Variants in LHFPL6 observed in about 807,000 individuals in gnomAD.
LHFPL6 encodes the protein LHFPL tetraspan subfamily member 6 protein.
LHFPL6 carries 9 observed loss-of-function variants against 20.6 expected under a neutral mutation model. The observed-to-expected ratio is 0.44, with a 90% CI of 0.26 to 0.76. The LOEUF (loss-of-function observed/expected upper bound fraction) is 0.76, where lower values mean the gene tolerates loss of function less well. Ranked by LOEUF, LHFPL6 falls within the 30% of genes least tolerant of loss-of-function variation. The probability of loss-of-function intolerance (pLI) is 0.20; values close to 1 mark genes in which losing one functional copy is unlikely to be tolerated. For missense variants in LHFPL6, 218 were observed against 253.5 expected, an observed-to-expected ratio of 0.86 and a Z score of 0.95; for synonymous variants, 105 against 98.7, an observed-to-expected ratio of 1.06 and a Z score of -0.38.
At chr13:39,403,107 A>C (rs1871033112) in intron 2 of LHFPL6, among the ~76,000 whole-genome samples, 1 of 152,244 alleles carries the variant, frequency 6.6e-6, no homozygotes, top group African/African-American at 2.4e-5. Flanking sequence ...TTTTCTGATT[A>C]ATATTTAGAC....
chr13:39,529,554 A>C (rs1037929554), intron 2 of LHFPL6, among the ~76,000 whole-genome samples: 2 of 152,254 alleles, frequency 1.3e-5, no homozygotes, highest in African/African-American at 4.8e-5. Context: ...TTAGTGTGTA[A>C]GACACTGTAC....
intron 2 of LHFPL6, among the ~76,000 whole-genome samples, chr13:39,536,684 T>A (rs1870629524): frequency 5.3e-5 from 8 of 152,188 alleles, no homozygotes; most frequent in Admixed American, 5.2e-4. Flanking sequence ...TCCCCCTTTA[T>A]CTTTCATCAG....
At chr13:39,583,711 T>C (rs1262701299) in intron 2 of LHFPL6, among the ~76,000 whole-genome samples, 2 of 152,196 alleles carry the variant, frequency 1.3e-5, no homozygotes, top group African/African-American at 4.8e-5. Context: ...AAATTTCTCA[T>C]GCAAGCAAGT....
At position 39,569,148 on chromosome 13, in the gene LHFPL6, T is replaced by C. The variant is rs59939152; in HGVS notation, c.385+31684A>G. ...AAACACGGATGGATGGATGGATGGA[T>C]GGACGGACGGATGGATGGATGGATG... On this transcript the variant is annotated intron_variant, in intron 2 of 3. Transcript: ENST00000379589. Among the ~76,000 whole-genome samples the C allele has an allele frequency of 6.2e-5, 9 of 144,392 alleles. No homozygotes were observed. In the East Asian group the frequency reaches 6.6e-4, roughly 11 times the overall value. The allele number at this position is 144,392 out of a possible 152,430, so 94.7% of individuals were successfully genotyped here.
Position 39,343,603 on chromosome 13 carries a change from T to TTGTGTGTGTGTGTGTGTGTGTG in LHFPL6, c.*311_*332dup, listed in dbSNP as rs67172252. 3 of 195,112 alleles carry TTGTGTGTGTGTGTGTGTGTGTG rather than the reference T, an allele frequency of 1.5e-5. No individual in the cohort carries two copies. Among genetic ancestry groups the TTGTGTGTGTGTGTGTGTGTGTG allele is most frequent in the East Asian group, 1.5e-4 (2 of 13,262 alleles). 12.1% of individuals were successfully genotyped at this position (195,112 alleles called of 1,614,324 possible). On this transcript the variant is annotated 3_prime_UTR_variant, in exon 4 of 4. Coordinates refer to ENST00000379589, the MANE Select transcript of LHFPL6 (RefSeq NM_005780.3). ...ACCCTTGTTTGTATATGTAGATTTG[T>TTGTGTGTGTGTGTGTGTGTGTG]TGTGTGTGTGTGTGTGTGTGTGTGT...
chr13:39,510,903 G>A (rs1157770070), intron 2 of LHFPL6, among the ~76,000 whole-genome samples: 1 of 149,096 alleles, frequency 6.7e-6, no homozygotes, highest in East Asian at 2.0e-4. Flanking sequence ...AGGGAGTTTC[G>A]CTCTTATTGC....
rs1872925172 is a variant in LHFPL6 at position 39,601,007 on chromosome 13, G to A, written c.210C>T (p.Arg70=). The A allele has an allele frequency of 1.9e-6, 3 of 1,614,116 alleles. No individual in the cohort carries two copies. Among genetic ancestry groups the A allele is most frequent in the East Asian group, 2.2e-5 (1 of 44,872 alleles). Reference sequence around the variant, plus strand: ...TGGGGATGCCCTGGAAGGAGGCATAGCGCCCACATTCCTCCACCATCACCA... The same window carrying A: ...TGGGGATGCCCTGGAAGGAGGCATAACGCCCACATTCCTCCACCATCACCA... ...QMMVMVEECG[R]YASFQGIPSA... Residue 70 remains arginine, a synonymous_variant, in exon 2 of 4, where the codon CGC becomes CGT. Transcript: ENST00000379589.
At chr13:39,362,198 G>T (rs1487630824) in intron 3 of LHFPL6, among the ~76,000 whole-genome samples, 1 of 152,216 alleles carries the variant, frequency 6.6e-6, no homozygotes, top group Non-Finnish European at 1.5e-5. Context: ...TCATGGGGGT[G>T]GGCTTCGCCC....
chr13:39,356,235 A>AT (rs1480385930), intron 3 of LHFPL6, among the ~76,000 whole-genome samples: 4 of 152,240 alleles, frequency 2.6e-5, no homozygotes, highest in African/African-American at 9.6e-5. Flanking sequence ...TCAAAACCAC[A>AT]TAATTACATG....
intron 2 of LHFPL6, among the ~76,000 whole-genome samples, chr13:39,465,982 T>C (rs546647616): frequency 1.0e-3 from 154 of 152,104 alleles, no homozygotes; most frequent in Middle Eastern, 3.4e-3. Flanking sequence ...GGATCCTAAG[T>C]GTGGCACTAC....
chr13:39,569,165 GGATGGATGGATGGATGGATGGATGGATT>G lies in LHFPL6; in HGVS notation c.385+31639_385+31666del, dbSNP rs1871829974. Reference sequence around the variant, plus strand: ...TGGATGGATGGACGGACGGATGGATGGATGGATGGATGGATGGATGGATGGATTGATGGACAGATATAAACTGCAAACA... The same window carrying G: ...TGGATGGATGGACGGACGGATGGATGGATGGACAGATATAAACTGCAAACA... On this transcript the variant is annotated intron_variant, in intron 2 of 3. Coordinates refer to ENST00000379589, the MANE Select transcript of LHFPL6 (RefSeq NM_005780.3). 1.0e-4 allele frequency among the ~76,000 whole-genome samples: 6 copies of G among 57,206 alleles called. No homozygotes were observed. In the South Asian group the frequency reaches 2.7e-3, roughly 26 times the overall value. 37.5% of individuals were successfully genotyped at this position (57,206 alleles called of 152,430 possible).
At chr13:39,568,474 T>C (rs961106092) in intron 2 of LHFPL6, among the ~76,000 whole-genome samples, 1 of 152,128 alleles carries the variant, frequency 6.6e-6, no homozygotes, top group Non-Finnish European at 1.5e-5. Context: ...TATAAAGCTA[T>C]GTAAACAGAG....
intron 2 of LHFPL6, among the ~76,000 whole-genome samples, chr13:39,559,434 G>A (rs774255588): frequency 6.6e-6 from 1 of 152,326 alleles, no homozygotes; most frequent in South Asian, 2.1e-4. Flanking sequence ...AATATCCAAA[G>A]TAGGGCACAG....
At chr13:39,540,104 A>C (rs1870749796) in intron 2 of LHFPL6, among the ~76,000 whole-genome samples, 1 of 152,172 alleles carries the variant, frequency 6.6e-6, no homozygotes. Flanking sequence ...ATAGCCTATA[A>C]ATTCTTTGGA....
At chr13:39,500,875 C>T (rs1869271040) in intron 2 of LHFPL6, among the ~76,000 whole-genome samples, 1 of 152,084 alleles carries the variant, frequency 6.6e-6, no homozygotes, top group African/African-American at 2.4e-5. Context: ...GTCTCTCAGA[C>T]CAGTGATTTT....
chr13:39,494,053 A>G (rs1869018975), intron 2 of LHFPL6, among the ~76,000 whole-genome samples: 1 of 152,242 alleles, frequency 6.6e-6, no homozygotes, highest in South Asian at 2.1e-4. Flanking sequence ...AAAGAAAAAC[A>G]TTACATTTCC....
chr13:39,560,601 G>A (rs1233268326), intron 2 of LHFPL6, among the ~76,000 whole-genome samples: 4 of 134,664 alleles, frequency 3.0e-5, no homozygotes, highest in African/African-American at 1.1e-4. Flanking sequence ...TGCAAGCCCC[G>A]CCTCCCGGGT....
intron 2 of LHFPL6, among the ~76,000 whole-genome samples, chr13:39,541,856 G>A (rs1327613553): frequency 2.0e-5 from 3 of 151,456 alleles, no homozygotes; most frequent in South Asian, 2.1e-4. Context: ...TTGGGAGGCC[G>A]AGGTGGGTGG....
chr13:39,562,407 C>CATATAT (rs1401360857), intron 2 of LHFPL6, among the ~76,000 whole-genome samples: 7,267 of 66,030 alleles, frequency 0.11, 525 homozygotes, highest in Middle Eastern at 0.16. Context: ...TACATATATA[C>CATATAT]ACATATACAC....
Sources: gnomAD v4.1 joint callset for allele counts (sites outside exome capture counted in the v4.1 genomes callset) on GRCh38, gnomAD v4.1.1 for gene constraint, MANE v1.5 for transcripts, NCBI Gene and HGNC (gene_info 2026-07-23, HGNC 2026-07-21) for gene names.